The following ARID2 variants were observed in gnomAD, a reference collection of about 807,000 sequenced individuals.
ARID2 encodes AT-rich interactive domain-containing protein 2.
In ARID2, 32 loss-of-function variants were observed where a neutral mutation model predicts 184.6. The observed-to-expected ratio is 0.17, with a 90% CI of 0.13 to 0.23. The LOEUF is 0.23. ARID2 is among the 10% of genes least tolerant of loss of function. The pLI is 1.00. For synonymous variants in ARID2, 836 were observed against 772.6 expected (o/e 1.08, Z -1.36); for missense variants, 1,696 against 2,197.6 (o/e 0.77, Z 4.56).
At chr12:45,767,530 A>G (rs1346275092) in intron 3 of ARID2, among the ~76,000 whole-genome samples, 1 of 152,186 alleles carries the variant, frequency 6.6e-6, no homozygotes, top group Non-Finnish European at 1.5e-5. Flanking sequence ...AGGTCACCAC[A>G]AATAGCAACA....
intron 2 of ARID2, 88 bp downstream of exon 2, chr12:45,730,225 G>T (rs958688011): frequency 1.5e-6 from 2 of 1,337,366 alleles, no homozygotes; most frequent in Non-Finnish European, 1.0e-6. Context: ...TTGGGGCTGG[G>T]GGGGTGGCCC....
chr12:45,900,000 A>C (rs1944436731), intron 20 of ARID2, among the ~76,000 whole-genome samples: 1 of 151,970 alleles, frequency 6.6e-6, no homozygotes, highest in Non-Finnish European at 1.5e-5. Context: ...ATCTTAAATC[A>C]GATATTGTTG....
intron 11 of ARID2, chr12:45,841,691 A>G (rs1284495998): frequency 6.6e-6 from 1 of 152,214 alleles, no homozygotes; most frequent in Non-Finnish European, 1.5e-5. Flanking sequence ...TTTTAAAAGA[A>G]AATAATTACA....
intron 6 of ARID2, among the ~76,000 whole-genome samples, chr12:45,829,207 A>C (rs1013574836): frequency 3.3e-5 from 5 of 152,074 alleles, no homozygotes; most frequent in African/African-American, 9.7e-5. Context: ...TCATATATGT[A>C]TAGATCTTTT....
rs971358839 is a variant in ARID2, at chr12:45,891,703, T to C, written c.4923-77T>C. The stretch of plus-strand genomic sequence containing the variant: ...CAACTGATGATTCCACTTGGAAATA[T>C]AAGCAGAGAAATTTTTGAAATAGTT... On this transcript the variant is annotated intron_variant, in intron 16 of 20. Coordinates refer to ENST00000334344, the MANE Select transcript of ARID2 (RefSeq NM_152641.4). The C allele has an allele frequency of 6.7e-6, 10 of 1,502,682 alleles. No homozygotes were observed. In the East Asian group the frequency reaches 2.3e-4, roughly 34 times the overall value. 93.1% of individuals were successfully genotyped at this position (1,502,682 alleles called of 1,614,324 possible).
At chr12:45,757,728 T>A (rs1286226026) in intron 3 of ARID2, among the ~76,000 whole-genome samples, 1 of 152,216 alleles carries the variant, frequency 6.6e-6, no homozygotes, top group Non-Finnish European at 1.5e-5. Context: ...GAACCCTGAT[T>A]AGTGAATTAG....
chr12:45,895,734 C>T (rs2136464977), intron 20 of ARID2, among the ~76,000 whole-genome samples: 1 of 152,266 alleles, frequency 6.6e-6, no homozygotes, highest in East Asian at 1.9e-4. Flanking sequence ...AGAGTTTCAC[C>T]ATGTTGGCCA....
At chr12:45,742,165 A>T (rs1014496504) in intron 3 of ARID2, among the ~76,000 whole-genome samples, 9 of 152,226 alleles carry the variant, frequency 5.9e-5, no homozygotes. Flanking sequence ...TAGACTGAAG[A>T]TGTATTGTTA....
intron 15 of ARID2, among the ~76,000 whole-genome samples, chr12:45,860,024 G>GCCC (rs1242721388): frequency 6.6e-6 from 1 of 152,164 alleles, no homozygotes; most frequent in Non-Finnish European, 1.5e-5. Flanking sequence ...GAACCACCGT[G>GCCC]CCCAGCCTAG....
chr12:45,765,252 G>T (rs1941750287), intron 3 of ARID2, among the ~76,000 whole-genome samples: 1 of 151,968 alleles, frequency 6.6e-6, no homozygotes, highest in South Asian at 2.1e-4. Flanking sequence ...CTGTCACACA[G>T]GCTGGAGTGC....
intron 3 of ARID2, among the ~76,000 whole-genome samples, chr12:45,759,684 T>C (rs1941637780): frequency 6.6e-6 from 1 of 152,214 alleles, no homozygotes; most frequent in South Asian, 2.1e-4. Flanking sequence ...ATAATTTTTA[T>C]AGGGAGTTCC....
At chr12:45,870,362 G>A (rs1014449873) in intron 16 of ARID2, among the ~76,000 whole-genome samples, 3 of 152,096 alleles carry the variant, frequency 2.0e-5, no homozygotes, top group Admixed American at 6.6e-5. Context: ...CCATATCTCC[G>A]TCCTCCCTGC....
At chr12:45,877,109 A>G (rs1336053086) in intron 16 of ARID2, among the ~76,000 whole-genome samples, 3 of 151,740 alleles carry the variant, frequency 2.0e-5, no homozygotes, top group Non-Finnish European at 4.4e-5. Context: ...AAAAAAAAAA[A>G]AGTATTTGCA....
At chr12:45,757,347 T>C (rs181446555) in intron 3 of ARID2, among the ~76,000 whole-genome samples, 501 of 152,294 alleles carry the variant, frequency 3.3e-3, no homozygotes, top group African/African-American at 0.012. Context: ...CCAAACACAT[T>C]TGAGCACATA....
chr12:45,730,873 C>A (rs1940978644), intron 2 of ARID2, among the ~76,000 whole-genome samples: 4 of 96,690 alleles, frequency 4.1e-5, no homozygotes, highest in East Asian at 3.3e-4. Context: ...TCCTTTTGAA[C>A]TTTTTTTTTT....
intron 16 of ARID2, among the ~76,000 whole-genome samples, chr12:45,871,766 TAATTATTGATTC>T: frequency 6.6e-6 from 1 of 152,332 alleles, no homozygotes; most frequent in Non-Finnish European, 1.5e-5. Context: ...TGAAGGTTAT[TAATTATTGATTC>T]AATTTCTTTA....
chr12:45,888,212 T>G (rs1944229715), intron 16 of ARID2, among the ~76,000 whole-genome samples: 1 of 148,038 alleles, frequency 6.8e-6, no homozygotes, highest in Admixed American at 6.7e-5. Flanking sequence ...AAAAAAAAGC[T>G]CTAATGAAAT....
At chr12:45,765,634 C>G (rs1941758133) in intron 3 of ARID2, among the ~76,000 whole-genome samples, 2 of 151,510 alleles carry the variant, frequency 1.3e-5, no homozygotes, top group African/African-American at 4.9e-5. Context: ...TTTTTATTCT[C>G]TCTTCAGTAA....
rs760917615 is a variant in ARID2, at chr12:45,851,225, A to T, written c.3102A>T (p.Gln1034His). Residue 1034 changes from glutamine to histidine, a missense_variant, in exon 15 of 21, where the codon CAA (glutamine) becomes CAT (histidine). Gln to His is a conservative substitution (Grantham distance 24). Coordinates refer to ENST00000334344, the MANE Select transcript of ARID2 (RefSeq NM_152641.4). ...TACAAGTACAAGTTCAGCAGCCCCA[A>T]CAAGTACAGATGCAAGTTCAACCTC... ...QQVQVQVQQP[Q>H]QVQMQVQPQQ... 2 of 1,614,154 alleles carry T rather than the reference A, an allele frequency of 1.2e-6. No individual in the cohort carries two copies. Among genetic ancestry groups the T allele is most frequent in the South Asian group, 2.2e-5 (2 of 91,084 alleles).
Sources: allele counts gnomAD v4.1 joint callset (sites outside exome capture counted in the v4.1 genomes callset), GRCh38; gene constraint gnomAD v4.1.1; transcripts MANE v1.5; gene names NCBI Gene and HGNC (gene_info 2026-07-23, HGNC 2026-07-21).